Variants in TVP23C observed in about 807,000 individuals in gnomAD.
The protein encoded by TVP23C is trans-golgi network vesicle protein 23 homolog C.
Under a neutral mutation model 28.7 loss-of-function variants are expected in TVP23C, and 19 were observed. That is an observed-to-expected ratio of 0.66 (90% CI 0.46 to 0.97). The LOEUF (loss-of-function observed/expected upper bound fraction) is 0.97, where lower values mean the gene tolerates loss of function less well. TVP23C is among the 50% of genes least tolerant of loss of function. TVP23C has a pLI of 0.00. For missense variants in TVP23C, 186 were observed against 241.3 expected (o/e 0.77, Z 1.52); for synonymous variants, 68 against 81.7 (o/e 0.83, Z 0.90).
intron 5 of TVP23C, among the ~76,000 whole-genome samples, chr17:15,513,258 A>T (rs1168640081): frequency 1.3e-5 from 2 of 152,238 alleles, no homozygotes; most frequent in African/African-American, 4.8e-5. Flanking sequence ...GTTTAAAAAC[A>T]TGCATTTTTA....
intron 3 of TVP23C, among the ~76,000 whole-genome samples, chr17:15,547,780 G>A (rs1983709145): frequency 1.3e-5 from 2 of 152,176 alleles, no homozygotes; most frequent in Admixed American, 6.5e-5. Flanking sequence ...GTCCTGCAAG[G>A]GAAAAGTGTG....
At chr17:15,505,711 G>A (rs942047044) in intron 5 of TVP23C, among the ~76,000 whole-genome samples, 104 of 152,330 alleles carry the variant, frequency 6.8e-4, no homozygotes, top group South Asian at 1.7e-3. Flanking sequence ...AGGGGCGAGC[G>A]GGAACCGGGG....
rs534389352 is a variant in TVP23C, at chr17:15,512,382, C to T, written c.463-9150G>A. Among the ~76,000 whole-genome samples the T allele has an allele frequency of 2.0e-5, 3 of 152,256 alleles. No homozygotes were observed. In the South Asian group the frequency reaches 6.2e-4, roughly 32 times the overall value. On this transcript the variant is annotated intron_variant, in intron 5 of 5. Coordinates refer to the TVP23C transcript ENST00000225576. Reference sequence around the variant, plus strand: ...CTAAAGTCCTTCTGGCAAGACCAGGCTCTAACTCTCTCCATATCACCCTGG... The same window carrying T: ...CTAAAGTCCTTCTGGCAAGACCAGGTTCTAACTCTCTCCATATCACCCTGG...
At chr17:15,518,871 G>A (rs1021924360) in intron 5 of TVP23C, among the ~76,000 whole-genome samples, 1 of 152,146 alleles carries the variant, frequency 6.6e-6, no homozygotes, top group Non-Finnish European at 1.5e-5. Flanking sequence ...ATCTTAAATT[G>A]TAATCCCCAC....
chr17:15,530,491 T>G (rs1184409860), intron 5 of TVP23C, among the ~76,000 whole-genome samples: 1 of 152,238 alleles, frequency 6.6e-6, no homozygotes, highest in East Asian at 1.9e-4. Context: ...TATAACCCTA[T>G]CAACATTATT....
chr17:15,530,797 A>G (rs1982922868), intron 5 of TVP23C: 1 of 149,742 alleles, frequency 6.7e-6, no homozygotes, highest in African/African-American at 2.5e-5. Flanking sequence ...GTGTCACCCA[A>G]GTAGGAGTGC....
At chr17:15,542,876 C>T (rs997514598) in intron 5 of TVP23C, among the ~76,000 whole-genome samples, 1 of 152,192 alleles carries the variant, frequency 6.6e-6, no homozygotes, top group Non-Finnish European at 1.5e-5. Context: ...TAAATAACTC[C>T]TACATGCTTA....
rs185815532 is a variant in TVP23C, at chr17:15,538,445, C to G, written c.*1967G>C. 1.6e-4 allele frequency: 114 copies of G among 704,662 alleles called. No individual in the cohort carries two copies. The African/African-American group carries it at 1.8e-3, about 11-fold the overall frequency. 43.7% of individuals were successfully genotyped at this position (704,662 alleles called of 1,614,324 possible). Reference sequence around the variant, plus strand: ...CTCTACTAAAAATACAAAAAATTAGCCAGGCGTGGTGGCGGGCGCCTGCAA... The same window carrying G: ...CTCTACTAAAAATACAAAAAATTAGGCAGGCGTGGTGGCGGGCGCCTGCAA... On this transcript the variant is annotated 3_prime_UTR_variant, in exon 6 of 6. Coordinates refer to ENST00000518321, the MANE Select transcript of TVP23C (RefSeq NM_001135036.2).
intron 3 of TVP23C, among the ~76,000 whole-genome samples, chr17:15,551,143 G>C (rs1243889236): frequency 5.9e-5 from 9 of 151,316 alleles, no homozygotes; most frequent in African/African-American, 2.2e-4. Flanking sequence ...TTGAGATGGA[G>C]TCTTGCTCTG....
At chr17:15,529,391 G>A (rs902685210) in intron 5 of TVP23C, among the ~76,000 whole-genome samples, 2 of 152,010 alleles carry the variant, frequency 1.3e-5, no homozygotes, top group African/African-American at 2.4e-5. Flanking sequence ...GCTGGGGGTC[G>A]CAGTGAGCCG....
chr17:15,551,070 G>A (rs1046985976), intron 3 of TVP23C, among the ~76,000 whole-genome samples: 6 of 151,190 alleles, frequency 4.0e-5, no homozygotes, highest in African/African-American at 1.5e-4. Flanking sequence ...CTTCTCCAAT[G>A]TTGCAGAAGA....
At chr17:15,502,891 T>C (rs1425532892) in exon 6 of TVP23C, 1 of 1,591,592 alleles carries the variant, frequency 6.3e-7, no homozygotes, top group Admixed American at 1.8e-5. Context: ...CCAGATGAAA[T>C]TTTGGCCCGG....
intron 5 of TVP23C, among the ~76,000 whole-genome samples, chr17:15,504,094 T>C (rs1981615098): frequency 6.6e-6 from 1 of 152,180 alleles, no homozygotes; most frequent in Non-Finnish European, 1.5e-5. Flanking sequence ...AACATGGTCC[T>C]GTCCACCAAA....
chr17:15,524,625 T>G (rs12452965), intron 5 of TVP23C, among the ~76,000 whole-genome samples: 18,913 of 152,190 alleles, frequency 0.12, 1,274 homozygotes, highest in Middle Eastern at 0.18. Context: ...ACATCCTAAC[T>G]TTTGATAGAT....
At chr17:15,524,982 G>T (rs922697226) in intron 5 of TVP23C, among the ~76,000 whole-genome samples, 20 of 152,178 alleles carry the variant, frequency 1.3e-4, no homozygotes, top group Admixed American at 6.5e-5. Flanking sequence ...CTTCTGAAAA[G>T]GAAAACTACC....
intron 5 of TVP23C, among the ~76,000 whole-genome samples, chr17:15,541,163 T>C (rs564674907): frequency 1.2e-3 from 180 of 152,320 alleles, no homozygotes; most frequent in Non-Finnish European, 1.9e-3. Context: ...TTCTCACCTA[T>C]GGTGATCCCA....
intron 5 of TVP23C, among the ~76,000 whole-genome samples, chr17:15,513,405 G>C (rs1419453998): frequency 6.6e-6 from 1 of 152,164 alleles, no homozygotes; most frequent in Non-Finnish European, 1.5e-5. Context: ...CTTTAAAACA[G>C]TTATCCGTTT....
At position 15,529,812 on chromosome 17, in the gene TVP23C, T is replaced by G. The variant is rs532951027; in HGVS notation, c.462+15973A>C. The stretch of plus-strand genomic sequence containing the variant: ...GCCAATCTGTTTTTTGTTTTTTGGG[T>G]TTTTTTTGGATGGAGTCTCGCTGTC... On this transcript the variant is annotated intron_variant, in intron 5 of 5. Coordinates refer to the TVP23C transcript ENST00000225576. Among the ~76,000 whole-genome samples, 10 of 152,038 alleles carry G rather than the reference T, an allele frequency of 6.6e-5. No individual in the cohort carries two copies. The South Asian group carries it at 1.2e-3, about 19-fold the overall frequency.
At chr17:15,516,425 G>T (rs1982230065) in intron 5 of TVP23C, 1 of 152,270 alleles carries the variant, frequency 6.6e-6, no homozygotes, top group Admixed American at 6.5e-5. Context: ...TCACAGTTCT[G>T]GAGACTGGAA....
Sources: gnomAD v4.1 joint callset for allele counts (sites outside exome capture counted in the v4.1 genomes callset) on GRCh38, gnomAD v4.1.1 for gene constraint, MANE v1.5 for transcripts, NCBI Gene and HGNC (gene_info 2026-07-23, HGNC 2026-07-21) for gene names.